The following PVT1 variants were observed in gnomAD, a reference collection of about 807,000 sequenced individuals.
PVT1 encodes Pvt1 oncogene.
Position 127,863,082 on chromosome 8 carries a change from A to T in PVT1, n.373-27507A>T, listed in dbSNP as rs774645455. 4.1e-5 allele frequency among the ~76,000 whole-genome samples: 3 copies of T among 73,292 alleles called. No individual in the cohort carries two copies. The South Asian group carries it at 1.1e-3, about 26-fold the overall frequency. The allele number at this position is 73,292 out of a possible 152,430, so 48.1% of individuals were successfully genotyped here. A position where few individuals can be genotyped will look rare whatever the true frequency, so the allele number is the denominator to read the frequency against. On this transcript the variant is annotated intron_variant and non_coding_transcript_variant, in intron 2 of 10. Coordinates refer to ENST00000651587, the Ensembl canonical transcript of PVT1. ...ATTAATCTGGGCAGTTGCTAGTTTT[A>T]TTTATTTATTTATTTATTTATTTAT...
At chr8:127,899,899 A>G (rs1815737425) in intron 3 of PVT1, among the ~76,000 whole-genome samples, 2 of 152,192 alleles carry the variant, frequency 1.3e-5, no homozygotes, top group Admixed American at 1.3e-4. Context: ...GTGAATATCT[A>G]GCTCTGAAAC....
chr8:127,903,289 C>T (rs923605214), intron 3 of PVT1, among the ~76,000 whole-genome samples: 2 of 152,080 alleles, frequency 1.3e-5, no homozygotes, highest in Non-Finnish European at 2.9e-5. Context: ...TTATTTGCTT[C>T]TTTGCTTTTT....
intron 3 of PVT1, among the ~76,000 whole-genome samples, chr8:127,931,015 C>T (rs901042681): frequency 1.3e-5 from 2 of 152,162 alleles, no homozygotes; most frequent in African/African-American, 4.8e-5. Context: ...AAGGGATCCT[C>T]CCCTTCAGCG....
chr8:127,904,194 T>C (rs1815792797), intron 3 of PVT1, among the ~76,000 whole-genome samples: 1 of 152,238 alleles, frequency 6.6e-6, no homozygotes, highest in Non-Finnish European at 1.5e-5. Flanking sequence ...GAAGCCCTGT[T>C]TTCTATCCTT....
intron 2 of PVT1, among the ~76,000 whole-genome samples, chr8:127,817,874 G>T (rs2129674396): frequency 6.6e-6 from 1 of 152,178 alleles, no homozygotes; most frequent in South Asian, 2.1e-4. Flanking sequence ...AGAAAAAATA[G>T]AGAGAGAAAG....
chr8:127,876,046 C>T (rs1815401594), intron 2 of PVT1, among the ~76,000 whole-genome samples: 1 of 152,248 alleles, frequency 6.6e-6, no homozygotes, highest in Non-Finnish European at 1.5e-5. Context: ...TCACCCTCAG[C>T]CAGGTTTACT....
chr8:128,054,227 A>G (rs2130110379), intron 4 of PVT1, among the ~76,000 whole-genome samples: 1 of 152,338 alleles, frequency 6.6e-6, no homozygotes, highest in East Asian at 1.9e-4. Flanking sequence ...AGGTTTCACC[A>G]GTGACTTACT....
chr8:127,805,079 C>A (rs576424086), intron 2 of PVT1, among the ~76,000 whole-genome samples: 8 of 151,646 alleles, frequency 5.3e-5, no homozygotes, highest in Non-Finnish European at 7.4e-5. Context: ...TACAGGCGCT[C>A]ACCACCACGC....
intron 2 of PVT1, among the ~76,000 whole-genome samples, chr8:127,876,270 G>A (rs1208008870): frequency 6.6e-6 from 1 of 151,970 alleles, no homozygotes; most frequent in Admixed American, 6.5e-5. Context: ...GTGTGTGTGT[G>A]TGTGTGTGTG....
chr8:128,037,923 C>T (rs1279470178), intron 4 of PVT1, among the ~76,000 whole-genome samples: 1 of 152,198 alleles, frequency 6.6e-6, no homozygotes, highest in Non-Finnish European at 1.5e-5. Flanking sequence ...TTTACTGGTT[C>T]TCCTTCCCTG....
intron 4 of PVT1, among the ~76,000 whole-genome samples, chr8:128,020,155 T>G (rs947847379): frequency 6.6e-6 from 1 of 152,210 alleles, no homozygotes; most frequent in Non-Finnish European, 1.5e-5. Context: ...TCAACCTGTT[T>G]CCTGTGGAGA....
intron 5 of PVT1, among the ~76,000 whole-genome samples, chr8:128,088,811 T>C (rs989924403): frequency 1.3e-5 from 2 of 152,340 alleles, no homozygotes; most frequent in Middle Eastern, 3.4e-3. Context: ...GATTACCAGA[T>C]ACACCCACAA....
chr8:128,094,462 T>G (rs1814400874), intron 5 of PVT1, among the ~76,000 whole-genome samples: 2 of 152,222 alleles, frequency 1.3e-5, no homozygotes, highest in Non-Finnish European at 1.5e-5. Flanking sequence ...TAAGCTATAG[T>G]TGGTGTGTGC....
At chr8:127,935,830 T>A (rs58120418) in intron 3 of PVT1, among the ~76,000 whole-genome samples, 2,831 of 152,252 alleles carry the variant, frequency 0.019, 94 homozygotes, top group African/African-American at 0.064. Flanking sequence ...CTGATGATCT[T>A]GGCTGTAATG....
chr8:127,853,370 C>T (rs555103620), intron 2 of PVT1, among the ~76,000 whole-genome samples: 2 of 152,206 alleles, frequency 1.3e-5, no homozygotes, highest in Non-Finnish European at 2.9e-5. Flanking sequence ...GTGGAGGCCC[C>T]CCACGAGTGA....
At chr8:127,816,504 A>G (rs1250570793) in intron 2 of PVT1, among the ~76,000 whole-genome samples, 2 of 148,322 alleles carry the variant, frequency 1.3e-5, no homozygotes, top group Non-Finnish European at 3.0e-5. Flanking sequence ...AAAAAAACCC[A>G]TGCGTATTCT....
At chr8:127,808,569 G>T (rs1367004002) in intron 2 of PVT1, among the ~76,000 whole-genome samples, 2 of 152,134 alleles carry the variant, frequency 1.3e-5, no homozygotes, top group Non-Finnish European at 2.9e-5. Context: ...GCTAAGCTGG[G>T]TGGTTCCTGA....
chr8:127,952,980 G>A lies in PVT1; in HGVS notation n.783-36182G>A, dbSNP rs1816524790. Among the ~76,000 whole-genome samples, 3 of 152,196 alleles carry A rather than the reference G, an allele frequency of 2.0e-5. No homozygotes were observed. In the South Asian group the frequency reaches 6.2e-4, roughly 32 times the overall value. ...GGGGTTTCACCATGTTGGCCAGGAT[G>A]GTCTCGATCTCCTGCCCTCGTGATC... On this transcript the variant is annotated intron_variant and non_coding_transcript_variant, in intron 3 of 10. Transcript: ENST00000651587.
intron 2 of PVT1, among the ~76,000 whole-genome samples, chr8:127,888,183 A>G (rs989233017): frequency 1.3e-5 from 2 of 151,270 alleles, no homozygotes; most frequent in African/African-American, 4.9e-5. Context: ...CTCGTGATCC[A>G]CCCGCCTCGG....
Sources: gnomAD v4.1 joint callset for allele counts (sites outside exome capture counted in the v4.1 genomes callset) on GRCh38, gnomAD v4.1.1 for gene constraint, MANE v1.5 for transcripts, NCBI Gene and HGNC (gene_info 2026-07-23, HGNC 2026-07-21) for gene names.